SDK1: variants seen among roughly 807,000 people sequenced by gnomAD.
SDK1 encodes sidekick cell adhesion molecule 1.
In SDK1, 157 loss-of-function variants were observed where a neutral mutation model predicts 245.5. The ratio of observed to expected loss-of-function variants is 0.64; its 90% confidence interval spans 0.56 to 0.73. The LOEUF (loss-of-function observed/expected upper bound fraction) is 0.73. Ranked by LOEUF, SDK1 falls within the 30% of genes least tolerant of loss-of-function variation. SDK1 has a pLI of 0.00. For missense variants in SDK1, 3,583 were observed against 3,002.3 expected (o/e 1.19, Z -4.52); for synonymous variants, 1,647 against 1,278.5 (o/e 1.29, Z -6.15).
chr7:3,450,425 T>C (rs532195916), intron 1 of SDK1, among the ~76,000 whole-genome samples: 3 of 152,142 alleles, frequency 2.0e-5, no homozygotes, highest in Non-Finnish European at 4.4e-5. Context: ...TGAGAAATGT[T>C]TGGGGCAGAT....
At chr7:3,646,210 A>T (rs1461357228) in intron 4 of SDK1, among the ~76,000 whole-genome samples, 2 of 152,020 alleles carry the variant, frequency 1.3e-5, no homozygotes, top group Non-Finnish European at 2.9e-5. Context: ...TAATACGTGC[A>T]CCTTTGTCAT....
At chr7:4,038,908 G>T (rs549112415) in intron 17 of SDK1, among the ~76,000 whole-genome samples, 3 of 152,048 alleles carry the variant, frequency 2.0e-5, no homozygotes, top group African/African-American at 7.2e-5. Context: ...CATTAAATAC[G>T]ACATTGAGAC....
At chr7:3,874,804 T>C (rs1361018386) in intron 5 of SDK1, among the ~76,000 whole-genome samples, 2 of 152,162 alleles carry the variant, frequency 1.3e-5, no homozygotes, top group Non-Finnish European at 2.9e-5. Flanking sequence ...AAAGCTTTAG[T>C]TTTTTGTCCT....
chr7:3,383,805 G>A (rs1230272334), intron 1 of SDK1, among the ~76,000 whole-genome samples: 1 of 152,150 alleles, frequency 6.6e-6, no homozygotes, highest in Non-Finnish European at 1.5e-5. Flanking sequence ...AATTTAACTA[G>A]AGTAGTCCTT....
At chr7:3,434,795 G>C (rs562285935) in intron 1 of SDK1, among the ~76,000 whole-genome samples, 2 of 152,118 alleles carry the variant, frequency 1.3e-5, no homozygotes, top group African/African-American at 4.8e-5. Flanking sequence ...AGGGAGTGTA[G>C]ATAGAATCAT....
chr7:3,359,556 G>A (rs1023071795), intron 1 of SDK1, among the ~76,000 whole-genome samples: 2 of 152,010 alleles, frequency 1.3e-5, no homozygotes, highest in Admixed American at 1.3e-4. Flanking sequence ...TCTACACCTG[G>A]CCAGGGATGC....
chr7:3,353,329 G>T lies in SDK1; in HGVS notation c.298+51445G>T, dbSNP rs112086552. Among the ~76,000 whole-genome samples, 290 of 152,092 alleles carry T rather than the reference G, an allele frequency of 1.9e-3. 1 individual carries two copies. The highest frequency in any genetic ancestry group is 6.6e-3 in the African/African-American group (275 of 41,476). ...CTTGGGGGTTATTTTGAAAATTGAT[G>T]GCATTTGGAATAAAAGTTGCTATAA... On this transcript the variant is annotated intron_variant, in intron 1 of 44. Transcript: ENST00000404826.
At chr7:3,483,012 G>A (rs1045949810) in intron 1 of SDK1, among the ~76,000 whole-genome samples, 1 of 151,392 alleles carries the variant, frequency 6.6e-6, no homozygotes, top group African/African-American at 2.5e-5. Flanking sequence ...AATCACACCA[G>A]TTTAATTAAC....
chr7:3,947,713 A>T (rs1176707606), intron 5 of SDK1, among the ~76,000 whole-genome samples: 1 of 151,660 alleles, frequency 6.6e-6, no homozygotes, highest in African/African-American at 2.4e-5. Flanking sequence ...TATATATTTA[A>T]ATTACACAGG....
chr7:4,086,156 G>C (rs1781415271), intron 22 of SDK1, among the ~76,000 whole-genome samples: 1 of 152,098 alleles, frequency 6.6e-6, no homozygotes, highest in African/African-American at 2.4e-5. Context: ...AGCACATCCT[G>C]AATACCCCTG....
intron 1 of SDK1, among the ~76,000 whole-genome samples, chr7:3,436,647 C>T (rs952202421): frequency 6.6e-6 from 1 of 151,988 alleles, no homozygotes; most frequent in African/African-American, 2.4e-5. Flanking sequence ...TGGCTATGAA[C>T]CATGTAATAT....
chr7:3,894,465 T>C (rs1028767279), intron 5 of SDK1, among the ~76,000 whole-genome samples: 1 of 151,972 alleles, frequency 6.6e-6, no homozygotes, highest in African/African-American at 2.4e-5. Flanking sequence ...GAGTGGGCTT[T>C]CCTTCTTAGA....
At chr7:4,052,733 T>C (rs1042787276) in intron 19 of SDK1, among the ~76,000 whole-genome samples, 14 of 152,202 alleles carry the variant, frequency 9.2e-5, no homozygotes, top group African/African-American at 3.4e-4. Flanking sequence ...TATTTCGTTG[T>C]ATTTTTTTGC....
At chr7:3,927,577 G>A (rs558976511) in intron 5 of SDK1, among the ~76,000 whole-genome samples, 246 of 152,286 alleles carry the variant, frequency 1.6e-3, no homozygotes, top group Middle Eastern at 6.8e-3. Flanking sequence ...CGCTTCTCCC[G>A]TGACACTGTC....
intron 1 of SDK1, among the ~76,000 whole-genome samples, chr7:3,366,615 T>C (rs1385002510): frequency 2.0e-5 from 3 of 152,226 alleles, no homozygotes; most frequent in South Asian, 2.1e-4. Flanking sequence ...GTGTAGTTTT[T>C]ATTTACATTT....
In SDK1 at chr7:4,125,548, G is replaced by A. The variant is rs146680288; in HGVS notation, c.3824-1833G>A. Among the ~76,000 whole-genome samples, 20 of 152,230 alleles carry A rather than the reference G, an allele frequency of 1.3e-4. No individual in the cohort carries two copies. The East Asian group carries it at 3.7e-3, about 28-fold the overall frequency. Reference sequence around the variant, plus strand: ...GGATGGTTGGATGGATAGATGAGTGGGTCTATGAAAGAGCAGAGGAAGTCC... The same window carrying A: ...GGATGGTTGGATGGATAGATGAGTGAGTCTATGAAAGAGCAGAGGAAGTCC... On this transcript the variant is annotated intron_variant, in intron 25 of 44. Coordinates refer to ENST00000404826, the MANE Select transcript of SDK1 (RefSeq NM_152744.4).
chr7:3,687,100 C>CACACA (rs57916967), intron 4 of SDK1, among the ~76,000 whole-genome samples: 7 of 146,918 alleles, frequency 4.8e-5, no homozygotes, highest in Admixed American at 1.4e-4. Flanking sequence ...CACACACACA[C>CACACA]CACCCTGTAT....
chr7:3,773,467 A>G (rs1216629512), intron 4 of SDK1, among the ~76,000 whole-genome samples: 3 of 151,386 alleles, frequency 2.0e-5, no homozygotes, highest in East Asian at 1.9e-4. Context: ...ATCTGCCTTT[A>G]TTTCTTTGAG....
chr7:3,619,266 T>G (rs772307735), intron 2 of SDK1, 27 bp downstream of exon 2: 2 of 1,585,470 alleles, frequency 1.3e-6, no homozygotes, highest in African/African-American at 2.7e-5. Flanking sequence ...AAAAATAAGA[T>G]CCCATTTCAG....
Sources: allele counts gnomAD v4.1 joint callset (sites outside exome capture counted in the v4.1 genomes callset), GRCh38; gene constraint gnomAD v4.1.1; transcripts MANE v1.5; gene names NCBI Gene and HGNC (gene_info 2026-07-23, HGNC 2026-07-21).